DLG2: variants seen among roughly 807,000 people sequenced by gnomAD.
DLG2 encodes discs large MAGUK scaffold protein 2, also known as disks large homolog 2.
In DLG2, 45 loss-of-function variants were observed where a neutral mutation model predicts 132.5. The observed-to-expected ratio is 0.34, with a 90% CI of 0.27 to 0.44. DLG2 has a LOEUF of 0.44. DLG2 is among the 20% of genes least tolerant of loss of function. The pLI is 1.00. For synonymous variants in DLG2, 424 were observed against 419.6 expected, an observed-to-expected ratio of 1.01 and a Z score of -0.13; for missense variants, 1,045 against 1,196.9, an observed-to-expected ratio of 0.87 and a Z score of 1.87.
chr11:84,582,982 G>T (rs887135862), intron 6 of DLG2, among the ~76,000 whole-genome samples: 1 of 152,158 alleles, frequency 6.6e-6, no homozygotes, highest in African/African-American at 2.4e-5. Flanking sequence ...TCAAGAGTAA[G>T]AAATGTCAAT....
rs190981958 is a variant in DLG2, at chr11:85,302,111, C to A, written c.41-16746G>T. Among the ~76,000 whole-genome samples, 346 of 152,282 alleles carry A rather than the reference C, an allele frequency of 2.3e-3. 1 individual carries two copies. The highest frequency in any genetic ancestry group is 8.1e-3 in the African/African-American group (336 of 41,556). On this transcript the variant is annotated intron_variant, in intron 3 of 27. Transcript: ENST00000376104. ...TACCTATAATTCACAGGAAGGTAGA[C>A]TCAATAGGATTCTGGAAGGCTGACC...
chr11:84,362,230 G>A (rs1329887281), intron 7 of DLG2, among the ~76,000 whole-genome samples: 1 of 151,922 alleles, frequency 6.6e-6, no homozygotes, highest in African/African-American at 2.4e-5. Flanking sequence ...CTCACGCCCA[G>A]TTCAGTACTA....
At chr11:84,430,621 ATCTT>A (rs2098981713) in intron 7 of DLG2, among the ~76,000 whole-genome samples, 1 of 152,058 alleles carries the variant, frequency 6.6e-6, no homozygotes, top group Non-Finnish European at 1.5e-5. Context: ...GTGACCAACT[ATCTT>A]GCCCTCCAGC....
At chr11:83,666,376 T>C (rs1392415897) in intron 18 of DLG2, among the ~76,000 whole-genome samples, 2 of 152,168 alleles carry the variant, frequency 1.3e-5, no homozygotes, top group African/African-American at 4.8e-5. Flanking sequence ...TGAGCATTGC[T>C]GCCTGAGCTC....
intron 6 of DLG2, among the ~76,000 whole-genome samples, chr11:84,740,309 T>C (rs1263934534): frequency 1.6e-4 from 25 of 151,964 alleles, no homozygotes; most frequent in Admixed American, 1.6e-3. Context: ...GAGGTCCTCC[T>C]GAGTGAAAAA....
intron 6 of DLG2, among the ~76,000 whole-genome samples, chr11:84,752,580 T>A (rs558023235): frequency 0.07 from 10,168 of 145,316 alleles, 411 homozygotes; most frequent in Non-Finnish European, 0.11. Context: ...TTTTTTTTTT[T>A]ATTATACTTT....
At chr11:84,837,355 G>A (rs1241770172) in intron 6 of DLG2, among the ~76,000 whole-genome samples, 2 of 151,676 alleles carry the variant, frequency 1.3e-5, no homozygotes, top group Non-Finnish European at 2.9e-5. Context: ...TTTAAATAAG[G>A]AAGATCACTG....
At chr11:83,590,586 A>G (rs1480408983) in intron 19 of DLG2, among the ~76,000 whole-genome samples, 3 of 151,946 alleles carry the variant, frequency 2.0e-5, no homozygotes, top group African/African-American at 7.2e-5. Context: ...AAGAACTAGA[A>G]AAGCAAGAGC....
intron 7 of DLG2, among the ~76,000 whole-genome samples, chr11:84,389,790 A>G (rs1434182975): frequency 6.6e-6 from 1 of 152,158 alleles, no homozygotes; most frequent in Non-Finnish European, 1.5e-5. Flanking sequence ...TCCTACAGTA[A>G]GAAATGCAGC....
chr11:85,425,099 T>A (rs2090611952), intron 3 of DLG2, among the ~76,000 whole-genome samples: 2 of 152,096 alleles, frequency 1.3e-5, no homozygotes, highest in Admixed American at 6.5e-5. Flanking sequence ...AAATACTATA[T>A]GTGAATAACA....
intron 7 of DLG2, among the ~76,000 whole-genome samples, chr11:84,353,707 G>C (rs890287992): frequency 5.3e-5 from 8 of 152,056 alleles, no homozygotes; most frequent in African/African-American, 1.7e-4. Context: ...GTATGTTTTT[G>C]TCATCATTTT....
chr11:84,307,989 A>G (rs903764940), intron 7 of DLG2, among the ~76,000 whole-genome samples: 1 of 152,200 alleles, frequency 6.6e-6, no homozygotes, highest in African/African-American at 2.4e-5. Context: ...TACAGCTCAC[A>G]AAGGCAGTGT....
intron 9 of DLG2, among the ~76,000 whole-genome samples, chr11:84,161,741 T>G (rs1231485458): frequency 6.6e-6 from 1 of 152,184 alleles, no homozygotes; most frequent in Non-Finnish European, 1.5e-5. Context: ...CCTGTTCAGT[T>G]GCATTGAGTC....
At chr11:84,211,156 G>T (rs1352466200) in intron 8 of DLG2, among the ~76,000 whole-genome samples, 3 of 152,156 alleles carry the variant, frequency 2.0e-5, no homozygotes, top group Non-Finnish European at 4.4e-5. Context: ...ACTGTAAAAA[G>T]TGATTATAGT....
At chr11:84,275,121 C>A (rs2097771717) in intron 7 of DLG2, among the ~76,000 whole-genome samples, 1 of 152,202 alleles carries the variant, frequency 6.6e-6, no homozygotes, top group Admixed American at 6.5e-5. Flanking sequence ...ATTCCAGACC[C>A]CACTTGCTGG....
At chr11:85,065,543 T>A (rs1455013389) in intron 6 of DLG2, among the ~76,000 whole-genome samples, 1 of 148,216 alleles carries the variant, frequency 6.7e-6, no homozygotes, top group African/African-American at 2.4e-5. Context: ...CCAGCTTTTT[T>A]TAAATTTTAA....
chr11:83,604,278 T>C (rs2059002605), intron 19 of DLG2, among the ~76,000 whole-genome samples: 1 of 152,188 alleles, frequency 6.6e-6, no homozygotes, highest in Admixed American at 6.5e-5. Flanking sequence ...CATAAGAGAT[T>C]CCACCTATTT....
At chr11:84,922,175 TA>T (rs111271156) in intron 6 of DLG2, among the ~76,000 whole-genome samples, 7,373 of 140,758 alleles carry the variant, frequency 0.052, 183 homozygotes, top group African/African-American at 0.086. Context: ...ATATTGACTT[TA>T]AAAAAAAAAA....
At chr11:83,902,559 G>A (rs980738077) in intron 15 of DLG2, among the ~76,000 whole-genome samples, 2 of 152,134 alleles carry the variant, frequency 1.3e-5, no homozygotes, top group African/African-American at 2.4e-5. Context: ...AGCAACAGAA[G>A]GCACTGGAAA....
Sources: allele counts gnomAD v4.1 joint callset (sites outside exome capture counted in the v4.1 genomes callset), GRCh38; gene constraint gnomAD v4.1.1; transcripts MANE v1.5; gene names NCBI Gene and HGNC (gene_info 2026-07-23, HGNC 2026-07-21).